Variants in ROBO2 observed in about 807,000 individuals in gnomAD.
ROBO2 encodes the protein roundabout homolog 2.
ROBO2 carries 53 observed loss-of-function variants against 160.8 expected under a neutral mutation model. That is an observed-to-expected ratio of 0.33 (90% CI 0.26 to 0.41). ROBO2 has a LOEUF of 0.41. Among genes scored for constraint, ROBO2 ranks in the 10% least tolerant of loss-of-function variants. The pLI is 1.00. For synonymous variants in ROBO2, 664 were observed against 611.7 expected (o/e 1.09, Z -1.26); for missense variants, 1,577 against 1,722.4 (o/e 0.92, Z 1.49).
intron 4 of ROBO2, among the ~76,000 whole-genome samples, chr3:77,488,414 C>T (rs1490528361): frequency 1.3e-5 from 2 of 152,284 alleles, no homozygotes; most frequent in South Asian, 2.1e-4. Flanking sequence ...ATTTCTTCCC[C>T]GTTTTTCAAT....
chr3:76,620,339 C>A (rs2088965696), intron 2 of ROBO2, among the ~76,000 whole-genome samples: 1 of 152,074 alleles, frequency 6.6e-6, no homozygotes, highest in African/African-American at 2.4e-5. Flanking sequence ...GAAGATTAAT[C>A]TTGAATGAGA....
At chr3:76,054,135 A>T (rs2067753444) in intron 2 of ROBO2, among the ~76,000 whole-genome samples, 1 of 152,094 alleles carries the variant, frequency 6.6e-6, no homozygotes, top group Non-Finnish European at 1.5e-5. Flanking sequence ...TTTTTACTTG[A>T]ATATTTAAAT....
At chr3:76,220,332 A>G (rs1424098014) in intron 2 of ROBO2, among the ~76,000 whole-genome samples, 1 of 151,876 alleles carries the variant, frequency 6.6e-6, no homozygotes, top group African/African-American at 2.4e-5. Context: ...TATAATAATA[A>G]TAATAAAAGA....
intron 2 of ROBO2, among the ~76,000 whole-genome samples, chr3:75,951,224 A>G (rs1011964181): frequency 3.9e-5 from 6 of 152,058 alleles, no homozygotes; most frequent in Admixed American, 6.6e-5. Context: ...TCAAGAACCT[A>G]TCAATGATGT....
chr3:77,399,878 A>T (rs1028348213), intron 2 of ROBO2, among the ~76,000 whole-genome samples: 3 of 152,174 alleles, frequency 2.0e-5, no homozygotes, highest in Non-Finnish European at 4.4e-5. Context: ...TAACTCACAC[A>T]GCTCTAGGAG....
At chr3:77,006,544 A>G (rs2061590878) in intron 2 of ROBO2, among the ~76,000 whole-genome samples, 1 of 152,068 alleles carries the variant, frequency 6.6e-6, no homozygotes, top group Admixed American at 6.6e-5. Context: ...AAAAAAAGAA[A>G]CAGAGAGTTA....
chr3:76,834,090 C>CTTTCTT lies in ROBO2; in HGVS notation c.110-263922_110-263917dup, dbSNP rs1553651320. Among the ~76,000 whole-genome samples, 5 of 113,324 alleles carry CTTTCTT rather than the reference C, an allele frequency of 4.4e-5. No individual in the cohort carries two copies. In the East Asian group the frequency reaches 1.3e-3, roughly 29 times the overall value. The allele number at this position is 113,324 out of a possible 152,430, so 74.3% of individuals were successfully genotyped here. ...TCTTTCTTTCTTTCTTTCTTTCTTT[C>CTTTCTT]TTTCTTTCTTTCTTTCTTTCTTTCT... On this transcript the variant is annotated intron_variant, in intron 2 of 26. Transcript: ENST00000487694.
chr3:76,457,977 C>T (rs936128394), intron 2 of ROBO2, among the ~76,000 whole-genome samples: 1 of 152,106 alleles, frequency 6.6e-6, no homozygotes, highest in African/African-American at 2.4e-5. Flanking sequence ...CTTTTTCTTC[C>T]TGGGCCTCCG....
At chr3:77,361,906 T>C (rs2070064230) in intron 2 of ROBO2, among the ~76,000 whole-genome samples, 1 of 152,190 alleles carries the variant, frequency 6.6e-6, no homozygotes, top group Admixed American at 6.5e-5. Context: ...CATTAATTCA[T>C]TTTACAAATG....
intron 2 of ROBO2, among the ~76,000 whole-genome samples, chr3:76,395,915 C>T (rs935772981): frequency 2.6e-5 from 4 of 152,132 alleles, no homozygotes; most frequent in African/African-American, 7.2e-5. Context: ...TGGTACTATT[C>T]CTTCTGAAAC....
intron 2 of ROBO2, among the ~76,000 whole-genome samples, chr3:76,657,686 G>GTGTGTATATATATTCATATATA (rs2091616697): frequency 1.7e-5 from 2 of 114,288 alleles, no homozygotes; most frequent in African/African-American, 3.8e-5. Flanking sequence ...ATACATATAT[G>GTGTGTATATATATTCATATATA]TGTGTATATA....
rs113274628 is a variant in ROBO2, at chr3:76,406,905, C to A, written c.109+469303C>A. ...ATCATGTATCCAACTTGCTTAAAATCATCCAATGGATTTTCATTACACTTA... is the reference window on the plus strand; with the variant it reads ...ATCATGTATCCAACTTGCTTAAAATAATCCAATGGATTTTCATTACACTTA... On this transcript the variant is annotated intron_variant, in intron 2 of 26. Transcript: ENST00000487694. Among the ~76,000 whole-genome samples the A allele has an allele frequency of 2.3e-3, 345 of 151,618 alleles. 2 individuals are homozygous for A. The highest frequency in any genetic ancestry group is 7.9e-3 in the African/African-American group (327 of 41,424).
At chr3:76,201,594 C>T (rs572121402) in intron 2 of ROBO2, among the ~76,000 whole-genome samples, 20 of 152,030 alleles carry the variant, frequency 1.3e-4, no homozygotes, top group Non-Finnish European at 2.9e-4. Flanking sequence ...TTGCCGTTAC[C>T]CTCTTCAAAG....
intron 2 of ROBO2, among the ~76,000 whole-genome samples, chr3:75,997,895 TG>T (rs1373651718): frequency 6.6e-6 from 1 of 152,212 alleles, no homozygotes; most frequent in African/African-American, 2.4e-5. Flanking sequence ...AACCAATATC[TG>T]TAATGGTATT....
chr3:76,547,198 T>C (rs535225679), intron 2 of ROBO2, among the ~76,000 whole-genome samples: 1 of 152,150 alleles, frequency 6.6e-6, no homozygotes, highest in East Asian at 1.9e-4. Context: ...TAATAGCAAA[T>C]TCTATAATTT....
At chr3:76,630,167 G>A (rs926086583) in intron 2 of ROBO2, among the ~76,000 whole-genome samples, 1 of 152,192 alleles carries the variant, frequency 6.6e-6, no homozygotes, top group Non-Finnish European at 1.5e-5. Flanking sequence ...TGTAGAGTTT[G>A]CATGTTCTCT....
At chr3:77,615,478 C>T (rs1371895783) in intron 21 of ROBO2, among the ~76,000 whole-genome samples, 1 of 152,196 alleles carries the variant, frequency 6.6e-6, no homozygotes, top group Admixed American at 6.5e-5. Flanking sequence ...TAAAATTCCT[C>T]TGTGCTCTGC....
intron 2 of ROBO2, among the ~76,000 whole-genome samples, chr3:76,263,999 C>T (rs916561290): frequency 6.6e-6 from 1 of 152,132 alleles, no homozygotes; most frequent in Admixed American, 6.6e-5. Context: ...TGTTCTCACT[C>T]ATAAGTGGCA....
chr3:76,591,936 C>T (rs1298906174), intron 2 of ROBO2, among the ~76,000 whole-genome samples: 2 of 151,912 alleles, frequency 1.3e-5, no homozygotes, highest in African/African-American at 2.4e-5. Flanking sequence ...TATTCAAATC[C>T]GACTACACAG....
Sources: gnomAD v4.1 joint callset for allele counts (sites outside exome capture counted in the v4.1 genomes callset) on GRCh38, gnomAD v4.1.1 for gene constraint, MANE v1.5 for transcripts, NCBI Gene and HGNC (gene_info 2026-07-23, HGNC 2026-07-21) for gene names.